The following UTP18 variants were observed in gnomAD, a reference collection of about 807,000 sequenced individuals.
UTP18 encodes the protein U3 small nucleolar RNA-associated protein 18 homolog.
A neutral mutation model predicts 61.1 loss-of-function variants in UTP18; 36 were observed. The ratio of observed to expected loss-of-function variants is 0.59; its 90% CI spans 0.45 to 0.78. The LOEUF is 0.78. Ranked by LOEUF, UTP18 falls within the 30% of genes least tolerant of loss-of-function variation. The pLI, the probability that UTP18 is intolerant of heterozygous loss-of-function variation, is 0.00. For synonymous variants in UTP18, 282 were observed against 251.1 expected, an observed-to-expected ratio of 1.12 and a Z score of -1.16; for missense variants, 753 against 693.9, an observed-to-expected ratio of 1.09 and a Z score of -0.96.
chr17:51,270,614 C>T (rs1183451195), intron 4 of UTP18, among the ~76,000 whole-genome samples: 1 of 152,184 alleles, frequency 6.6e-6, no homozygotes, highest in South Asian at 2.1e-4. Flanking sequence ...TATAGAAGTT[C>T]TGTCATCTTC....
Position 51,294,818 on chromosome 17 carries a change from A to G in UTP18, c.1646+773A>G, listed in dbSNP as rs549005019. ...GGTTGAACTAGTTTACAGTCCCACC[A>G]ACAGTGTAAAAGTGTTCCTATTTCT... On this transcript the variant is annotated intron_variant, in intron 12 of 13. Transcript: ENST00000225298. 9.2e-5 allele frequency among the ~76,000 whole-genome samples: 14 copies of G among 152,240 alleles called. No homozygotes were observed. The South Asian group carries it at 2.7e-3, about 29-fold the overall frequency.
chr17:51,278,395 T>G (rs1455728954), intron 7 of UTP18, among the ~76,000 whole-genome samples: 1 of 152,256 alleles, frequency 6.6e-6, no homozygotes, highest in Non-Finnish European at 1.5e-5. Flanking sequence ...TAGTAGTTAC[T>G]ATTTTTACAT....
intron 9 of UTP18, 63 bp downstream of exon 9, chr17:51,280,542 G>T (rs1347722963): frequency 6.6e-7 from 1 of 1,517,440 alleles, no homozygotes. Context: ...GGCCAGGCGC[G>T]GTGGCTCACG....
intron 3 of UTP18, among the ~76,000 whole-genome samples, chr17:51,268,007 G>GTT (rs766635231): frequency 0.062 from 8,035 of 129,370 alleles, 702 homozygotes; most frequent in African/African-American, 0.16. Context: ...TTTGTTTTTT[G>GTT]TTTTTTGTTT....
chr17:51,261,661 C>G (rs559543633), intron 1 of UTP18, among the ~76,000 whole-genome samples: 1 of 152,052 alleles, frequency 6.6e-6, no homozygotes, highest in South Asian at 2.1e-4. Context: ...AACGAGTAAA[C>G]TTCAGGTTTG....
rs1441661986 is a variant in UTP18 at position 51,288,221 on chromosome 17, C to T, written c.1503+18C>T. ...TCAGATTGGTAAATATTTCATTACC[C>T]CTTTATTATTGTTATTTTTTAAATT... On this transcript the variant is annotated intron_variant, in intron 11 of 13. Coordinates refer to ENST00000225298, the MANE Select transcript of UTP18 (RefSeq NM_016001.3). 10 of 1,544,110 alleles carry T rather than the reference C, an allele frequency of 6.5e-6. No homozygotes were observed. The highest frequency in any genetic ancestry group is 6.1e-6 in the Non-Finnish European group (7 of 1,151,242).
rs748470469 is a variant in UTP18 at position 51,266,166 on chromosome 17, T to C, written c.456-16T>C. On this transcript the variant is annotated splice_polypyrimidine_tract_variant and intron_variant, in intron 2 of 13. Transcript: ENST00000225298. ...TCTTTAAAAGTTATTTAAAATATGC[T>C]GTTCTGTTTTTGTAGGGTTGACATG... is the stretch of plus-strand genomic sequence containing the variant. 2.6e-6 allele frequency: 4 copies of C among 1,547,798 alleles called. No homozygotes were observed. Among genetic ancestry groups the C allele is most frequent in the Admixed American group, 2.2e-5 (1 of 44,562 alleles).
chr17:51,296,986 C>A lies in UTP18; in HGVS notation c.1668C>A (p.Phe556Leu). The change falls in exon 13 of 14, where the codon TTC becomes TTA. Residue 556 changes from phenylalanine (F) to leucine (L), a missense_variant. Transcript: ENST00000225298. ...LMYRLHHYSDF is the reference protein window; with the variant it reads ...LMYRLHHYSDL Reference sequence around the variant, plus strand: ...CCAGGTTGCACCATTACTCAGACTTCTAAAGAGACTATTTGAAGTAAGAAA... The same window carrying A: ...CCAGGTTGCACCATTACTCAGACTTATAAAGAGACTATTTGAAGTAAGAAA... 2 of 1,605,532 alleles carry A rather than the reference C, an allele frequency of 1.2e-6. No individual in the cohort carries two copies. Among genetic ancestry groups the A allele is most frequent in the Non-Finnish European group, 1.7e-6 (2 of 1,176,778 alleles).
At position 51,295,664 on chromosome 17, in the gene UTP18, G is replaced by T. The variant is rs537009215; in HGVS notation, c.1647-1301G>T. Reference sequence around the variant, plus strand: ...CTCCAGCTTTGTTCTTTTGGCTTAGGATTGACTTGGCTATGCGGGCTCTTT... The same window carrying T: ...CTCCAGCTTTGTTCTTTTGGCTTAGTATTGACTTGGCTATGCGGGCTCTTT... On this transcript the variant is annotated intron_variant, in intron 12 of 13. Transcript: ENST00000225298. Among the ~76,000 whole-genome samples, 43 of 152,286 alleles carry T rather than the reference G, an allele frequency of 2.8e-4. 1 individual carries two copies. The South Asian group carries it at 8.3e-3, about 29-fold the overall frequency.
intron 7 of UTP18, among the ~76,000 whole-genome samples, chr17:51,278,988 G>A (rs1904821630): frequency 6.6e-6 from 1 of 152,128 alleles, no homozygotes; most frequent in Admixed American, 6.5e-5. Flanking sequence ...TTGTAGTAGT[G>A]GAAAGTAGCC....
chr17:51,270,867 A>T (rs1471424966), intron 4 of UTP18, among the ~76,000 whole-genome samples: 1 of 152,232 alleles, frequency 6.6e-6, no homozygotes, highest in Non-Finnish European at 1.5e-5. Flanking sequence ...ACAGTATGGG[A>T]TATGCTTGTC....
chr17:51,279,506 G>GTT (rs113252326), intron 7 of UTP18, among the ~76,000 whole-genome samples: 3,299 of 149,106 alleles, frequency 0.022, 58 homozygotes, highest in Non-Finnish European at 0.031. Flanking sequence ...TTTGTTTTTT[G>GTT]TTTTTGTTTT....
At chr17:51,295,172 T>C (rs1905335192) in intron 12 of UTP18, among the ~76,000 whole-genome samples, 1 of 152,202 alleles carries the variant, frequency 6.6e-6, no homozygotes, top group African/African-American at 2.4e-5. Flanking sequence ...TGATGGTAGT[T>C]TCTTTTGCTG....
chr17:51,268,713 ACTT>A (rs1904396173), intron 3 of UTP18, 121 bp from the exon 4 acceptor site: 1 of 732,462 alleles, frequency 1.4e-6, no homozygotes, highest in Non-Finnish European at 2.3e-6. Context: ...AAAGATAGTT[ACTT>A]CTTTGGAAGA....
intron 11 of UTP18, among the ~76,000 whole-genome samples, chr17:51,290,368 A>G (rs913192222): frequency 5.3e-5 from 8 of 152,278 alleles, no homozygotes; most frequent in Middle Eastern, 3.4e-3. Context: ...GTGAGCCAAG[A>G]TCGTGCCTCT....
In UTP18 at chr17:51,287,079, A is replaced by G. The variant is rs898867138; in HGVS notation, c.1329-950A>G. The stretch of plus-strand genomic sequence containing the variant: ...TTTGCCTCTATATGGGGCAAGAAAA[A>G]CTGCGCAGAAATGATCTTCACTCAG... On this transcript the variant is annotated intron_variant, in intron 10 of 13. Coordinates refer to ENST00000225298, the MANE Select transcript of UTP18 (RefSeq NM_016001.3). 5.9e-4 allele frequency among the ~76,000 whole-genome samples: 89 copies of G among 151,614 alleles called. 4 individuals carry two copies. The highest frequency in any genetic ancestry group is 2.4e-5 in the African/African-American group (1 of 41,224).
intron 7 of UTP18, among the ~76,000 whole-genome samples, chr17:51,279,473 T>C (rs896198369): frequency 6.6e-6 from 1 of 152,030 alleles, no homozygotes; most frequent in African/African-American, 2.4e-5. Context: ...AACTGACATA[T>C]TGTGAAAAGT....
chr17:51,285,709 ATTAG>A (rs1905084441), intron 10 of UTP18, among the ~76,000 whole-genome samples: 1 of 152,226 alleles, frequency 6.6e-6, no homozygotes, highest in Non-Finnish European at 1.5e-5. Context: ...CTGTTTTATT[ATTAG>A]TTGTGTTAGT....
Position 51,260,746 on chromosome 17 carries a change from GAGCGCGGCGGCCGCTGCGATTGCA to G in UTP18, c.163_186del (p.Ser55_Ala62del), listed in dbSNP as rs1568259685. 1.8e-5 allele frequency: 28 copies of G among 1,584,170 alleles called. No individual in the cohort carries two copies. Among genetic ancestry groups the G allele is most frequent in the Non-Finnish European group, 2.4e-5 (28 of 1,166,270 alleles). ...CCCAGCGGAAACCGCCGGCCCGGCCGAGCGCGGCGGCCGCTGCGATTGCAGTCGCGGCGGCGGAGGAAGAGAGAC... is the reference window on the plus strand; with the variant it reads ...CCCAGCGGAAACCGCCGGCCCGGCCGGTCGCGGCGGCGGAGGAAGAGAGAC... On this transcript the variant is annotated inframe_deletion, in exon 1 of 14. Transcript: ENST00000225298.
Sources: allele counts gnomAD v4.1 joint callset (sites outside exome capture counted in the v4.1 genomes callset), GRCh38; gene constraint gnomAD v4.1.1; transcripts MANE v1.5; gene names NCBI Gene and HGNC (gene_info 2026-07-23, HGNC 2026-07-21).